The following HPSE2 variants were observed in gnomAD, a reference collection of about 807,000 sequenced individuals.
The protein encoded by HPSE2 is inactive heparanase-2.
Under a neutral mutation model 60.5 loss-of-function variants are expected in HPSE2, and 38 were observed. The ratio of observed to expected loss-of-function variants is 0.63; its 90% CI spans 0.48 to 0.82. The LOEUF (loss-of-function observed/expected upper bound fraction) is 0.82. HPSE2 is among the 40% of genes least tolerant of loss of function. The probability of loss-of-function intolerance (pLI) is 0.00; values close to 1 mark genes in which losing one functional copy is unlikely to be tolerated. For missense variants in HPSE2, 713 were observed against 740.4 expected, an observed-to-expected ratio of 0.96 and a Z score of 0.43; for synonymous variants, 295 against 293.2, an observed-to-expected ratio of 1.01 and a Z score of -0.06.
chr10:99,176,963 T>C (rs557851215), intron 2 of HPSE2, among the ~76,000 whole-genome samples: 121 of 152,276 alleles, frequency 7.9e-4, no homozygotes, highest in Middle Eastern at 3.4e-3. Flanking sequence ...TGGGGACCAA[T>C]ATTCAACATT....
At chr10:99,269,283 G>A in the HPSE2 span, among the ~76,000 whole-genome samples, 1 of 152,148 alleles carries the variant, frequency 6.6e-6, no homozygotes, top group East Asian at 1.9e-4. Context: ...AATGGACACT[G>A]AAAGTAAGCA....
intron 6 of HPSE2, among the ~76,000 whole-genome samples, chr10:98,646,502 C>A (rs1347107124): frequency 6.6e-6 from 1 of 151,952 alleles, no homozygotes; most frequent in Non-Finnish European, 1.5e-5. Context: ...GTAGAAATAA[C>A]CTTTCTGGGA....
At chr10:98,766,943 A>C (rs12217741) in intron 3 of HPSE2, among the ~76,000 whole-genome samples, 1 of 151,890 alleles carries the variant, frequency 6.6e-6, no homozygotes. Context: ...AAAACAAAAC[A>C]AAAAAAACCC....
chr10:98,701,517 C>T (rs1589668641), intron 5 of HPSE2, among the ~76,000 whole-genome samples: 1 of 148,212 alleles, frequency 6.7e-6, no homozygotes, highest in East Asian at 2.1e-4. Flanking sequence ...GGAGGGATAG[C>T]TTTAGGAGAT....
intron 3 of HPSE2, among the ~76,000 whole-genome samples, chr10:99,088,266 A>C (rs1192805292): frequency 6.6e-6 from 1 of 151,994 alleles, no homozygotes; most frequent in Non-Finnish European, 1.5e-5. Flanking sequence ...TACATGAATA[A>C]GTTCTTTAGT....
At chr10:99,031,231 C>T (rs1037040807) in intron 3 of HPSE2, among the ~76,000 whole-genome samples, 26 of 152,036 alleles carry the variant, frequency 1.7e-4, no homozygotes, top group Non-Finnish European at 2.8e-4. Context: ...CATGCCATAC[C>T]AAAACATCTC....
chr10:99,164,227 TTATATATATATATATA>T (rs60497589), intron 2 of HPSE2, among the ~76,000 whole-genome samples: 2,513 of 33,834 alleles, frequency 0.074, 86 homozygotes, highest in African/African-American at 0.11. Context: ...TATTCAAGCA[TTATATATATATATATA>T]TATATATATA....
chr10:98,621,275 C>T (rs547498776), intron 7 of HPSE2, among the ~76,000 whole-genome samples: 2 of 152,154 alleles, frequency 1.3e-5, no homozygotes, highest in Admixed American at 1.3e-4. Context: ...ACAAATGACG[C>T]ATCCCACACA....
At position 99,136,525 on chromosome 10, in the gene HPSE2, C is replaced by A. The variant is rs60117848; in HGVS notation, c.610+7713G>T. 2.0e-3 allele frequency among the ~76,000 whole-genome samples: 305 copies of A among 152,252 alleles called. 1 individual carries two copies. Among genetic ancestry groups the A allele is most frequent in the African/African-American group, 7.1e-3 (294 of 41,542 alleles). Reference sequence around the variant, plus strand: ...TGGCAAACCGAATCCAGCAGCACATCCAAAAGCTTATCCACCACGATCAAG... The same window carrying A: ...TGGCAAACCGAATCCAGCAGCACATACAAAAGCTTATCCACCACGATCAAG... On this transcript the variant is annotated intron_variant, in intron 3 of 11. Transcript: ENST00000370552.
intron 7 of HPSE2, among the ~76,000 whole-genome samples, chr10:98,626,845 T>A (rs556354231): frequency 1.8e-4 from 28 of 152,146 alleles, no homozygotes; most frequent in African/African-American, 6.7e-4. Flanking sequence ...CAATCTCGGC[T>A]CACTTGCAAG....
the HPSE2 span, among the ~76,000 whole-genome samples, chr10:99,244,068 G>C: frequency 6.6e-6 from 1 of 152,040 alleles, no homozygotes; most frequent in Non-Finnish European, 1.5e-5. Flanking sequence ...CTTTTTCTGA[G>C]ACAGAGTCTC....
At chr10:98,883,825 T>C (rs940501105) in intron 3 of HPSE2, among the ~76,000 whole-genome samples, 1 of 151,844 alleles carries the variant, frequency 6.6e-6, no homozygotes, top group Non-Finnish European at 1.5e-5. Context: ...ATAAATAAAA[T>C]AATAATCCTA....
chr10:98,856,760 AAAGAG>A (rs1230933271), intron 3 of HPSE2, among the ~76,000 whole-genome samples: 2 of 152,204 alleles, frequency 1.3e-5, no homozygotes, highest in Non-Finnish European at 2.9e-5. Flanking sequence ...CAAAAATATG[AAAGAG>A]AAATAGAGAT....
chr10:99,221,166 G>A (rs1047284382), intron 2 of HPSE2, among the ~76,000 whole-genome samples: 3 of 152,074 alleles, frequency 2.0e-5, no homozygotes, highest in African/African-American at 7.2e-5. Context: ...TTTATTTGAT[G>A]TACATATTAT....
At chr10:99,109,530 G>A (rs982754391) in intron 3 of HPSE2, among the ~76,000 whole-genome samples, 1 of 152,058 alleles carries the variant, frequency 6.6e-6, no homozygotes, top group African/African-American at 2.4e-5. Context: ...CTCCGAGAAA[G>A]GAATGATAAT....
intron 4 of HPSE2, among the ~76,000 whole-genome samples, chr10:98,734,888 TACAC>T (rs140139802): frequency 6.1e-5 from 9 of 148,332 alleles, no homozygotes; most frequent in Non-Finnish European, 7.5e-5. Flanking sequence ...ATTTGTCCCT[TACAC>T]ACACACACAC....
intron 3 of HPSE2, among the ~76,000 whole-genome samples, chr10:98,912,426 G>C (rs1302058146): frequency 6.6e-6 from 1 of 152,128 alleles, no homozygotes; most frequent in Non-Finnish European, 1.5e-5. Context: ...ATATGATCCA[G>C]CAATCCCACT....
At chr10:98,561,468 A>G (rs556383304) in intron 9 of HPSE2, among the ~76,000 whole-genome samples, 3 of 152,228 alleles carry the variant, frequency 2.0e-5, no homozygotes, top group Non-Finnish European at 4.4e-5. Flanking sequence ...AAATATTATT[A>G]TACAAGCATC....
At chr10:99,314,135 G>A in the HPSE2 span, among the ~76,000 whole-genome samples, 1 of 152,138 alleles carries the variant, frequency 6.6e-6, no homozygotes, top group African/African-American at 2.4e-5. Flanking sequence ...AGGCTCAGAT[G>A]AGCTTTAGCA....
Sources: gnomAD v4.1 joint callset for allele counts (sites outside exome capture counted in the v4.1 genomes callset) on GRCh38, gnomAD v4.1.1 for gene constraint, MANE v1.5 for transcripts, NCBI Gene and HGNC (gene_info 2026-07-23, HGNC 2026-07-21) for gene names.